The following MOV10L1 variants were observed in gnomAD, a reference collection of about 807,000 sequenced individuals.
MOV10L1 encodes the protein RNA helicase Mov10l1.
Under a neutral mutation model 143.8 loss-of-function variants are expected in MOV10L1, and 110 were observed. The ratio of observed to expected loss-of-function variants is 0.76; its 90% CI spans 0.66 to 0.90. The LOEUF (loss-of-function observed/expected upper bound fraction) is 0.90, where lower values mean the gene tolerates loss of function less well. Ranked by LOEUF, MOV10L1 falls within the 40% of genes least tolerant of loss-of-function variation. MOV10L1 has a pLI of 0.00. For missense variants in MOV10L1, 1,406 were observed against 1,526.8 expected (o/e 0.92, Z 1.32); for synonymous variants, 593 against 581.1 (o/e 1.02, Z -0.29).
intron 22 of MOV10L1, among the ~76,000 whole-genome samples, chr22:50,156,297 G>A (rs1002435107): frequency 4.0e-5 from 6 of 151,840 alleles, no homozygotes; most frequent in Non-Finnish European, 7.4e-5. Flanking sequence ...TGTATTTTTA[G>A]TAGAGACGGG....
At position 50,113,714 on chromosome 22, in the gene MOV10L1, T is replaced by C. The variant is rs2062085093; in HGVS notation, c.810T>C (p.Asp270=). 6.2e-7 allele frequency: 1 copy of C among 1,614,080 alleles called. No individual in the cohort carries two copies. The highest frequency in any genetic ancestry group is 8.5e-7 in the Non-Finnish European group (1 of 1,180,004). ...CGATTTTGCTGAAGAACAAAGGTGA[T>C]ATTGAAGTTACACAGGTGACGCATT... ...YGTILLKNKG[D]IEVTQVTHFG... The change falls in exon 6 of 27, where the codon GAT becomes GAC. Residue 270 remains aspartate (D), a synonymous_variant. Coordinates refer to ENST00000262794, the MANE Select transcript of MOV10L1 (RefSeq NM_018995.3).
At chr22:50,134,688 C>G (rs2058266089) in intron 15 of MOV10L1, 58 bp downstream of exon 15, 1 of 1,483,650 alleles carries the variant, frequency 6.7e-7, no homozygotes, top group South Asian at 1.1e-5. Context: ...ACGTGGCTGT[C>G]TTTACATAGG....
intron 10 of MOV10L1, among the ~76,000 whole-genome samples, chr22:50,124,052 C>A (rs2147213093): frequency 6.6e-6 from 1 of 152,208 alleles, no homozygotes; most frequent in Non-Finnish European, 1.5e-5. Flanking sequence ...AAAAGTCTGT[C>A]AATTTTGTTG....
At chr22:50,125,849 G>A (rs6010179) in intron 11 of MOV10L1, among the ~76,000 whole-genome samples, 81 of 151,928 alleles carry the variant, frequency 5.3e-4, no homozygotes, top group African/African-American at 1.8e-3. Context: ...GTGCAGTGGC[G>A]CAATCTCAGC....
intron 19 of MOV10L1, chr22:50,147,109 C>T (rs760921832): frequency 1.7e-5 from 27 of 1,578,256 alleles, no homozygotes; most frequent in African/African-American, 2.7e-5. Context: ...GGGGGCAGAG[C>T]GGGCACTGCA....
chr22:50,104,951 G>A (rs1336099980), intron 3 of MOV10L1, among the ~76,000 whole-genome samples: 2 of 150,624 alleles, frequency 1.3e-5, no homozygotes, highest in African/African-American at 4.9e-5. Context: ...GAATGCAGTG[G>A]CTCAGTCATA....
intron 10 of MOV10L1, among the ~76,000 whole-genome samples, chr22:50,123,682 A>G (rs192225077): frequency 2.7e-4 from 41 of 152,358 alleles, no homozygotes; most frequent in Non-Finnish European, 5.4e-4. Context: ...AATAAGTCAG[A>G]GAGTATTCCC....
chr22:50,149,503 G>T, intron 19 of MOV10L1, 112 bp from the exon 20 acceptor site: 1 of 1,031,170 alleles, frequency 9.7e-7, no homozygotes, highest in South Asian at 1.5e-5. Context: ...CACACCCCTG[G>T]GCAACCCTGC....
chr22:50,114,988 C>A, intron 7 of MOV10L1, 126 bp from the exon 8 acceptor site: 1 of 1,061,224 alleles, frequency 9.4e-7, no homozygotes, highest in Non-Finnish European at 1.3e-6. Flanking sequence ...TGAGGCTTTG[C>A]CCCGTGTTTT....
In MOV10L1 at chr22:50,108,862, TG is replaced by T; in HGVS notation, c.743+20del. On this transcript the variant is annotated intron_variant, in intron 5 of 26. Transcript: ENST00000262794. Reference sequence around the variant, plus strand: ...AAGAGGCGGTAAGAAAATGCTTTTCTGGCCAGGTGCGGTGGCTAACGCCTGT... The same window carrying T: ...AAGAGGCGGTAAGAAAATGCTTTTCTGCCAGGTGCGGTGGCTAACGCCTGT... The T allele has an allele frequency of 6.2e-7, 1 of 1,612,724 alleles. No homozygotes were observed.
At chr22:50,134,110 T>A (rs763893047) in intron 14 of MOV10L1, 45 bp downstream of exon 14, 1 of 1,474,766 alleles carries the variant, frequency 6.8e-7, no homozygotes, top group Admixed American at 2.2e-5. Flanking sequence ...CACAGAGTAT[T>A]TTTATAGGCT....
chr22:50,153,931 G>A (rs116442086), intron 22 of MOV10L1, among the ~76,000 whole-genome samples: 60 of 152,100 alleles, frequency 3.9e-4, no homozygotes, highest in African/African-American at 1.3e-3. Context: ...TCCATGCCAC[G>A]GGCCCCGGAG....
At chr22:50,117,404 G>GC (rs2062211441) in intron 9 of MOV10L1, 53 bp downstream of exon 9, 3 of 1,583,010 alleles carry the variant, frequency 1.9e-6, no homozygotes, top group Non-Finnish European at 2.6e-6. Context: ...TATCTGTGAA[G>GC]GAAAAGCGGA....
chr22:50,091,203 A>C (rs550580938), intron 1 of MOV10L1: 14 of 167,646 alleles, frequency 8.4e-5, no homozygotes, highest in Admixed American at 7.8e-4. Flanking sequence ...TCGGTAGAAC[A>C]CGCGCTCAGC....
intron 1 of MOV10L1, 128 bp from the exon 2 acceptor site, chr22:50,091,873 C>A (rs187715585): frequency 2.5e-6 from 2 of 808,054 alleles, no homozygotes; most frequent in African/African-American, 3.5e-5. Context: ...CAAGTCAGCC[C>A]GTTCGGAGTC....
chr22:50,119,687 C>G (rs1004710709), intron 9 of MOV10L1, among the ~76,000 whole-genome samples: 2 of 150,114 alleles, frequency 1.3e-5, no homozygotes, highest in African/African-American at 4.9e-5. Flanking sequence ...GCTGACATAA[C>G]CCTCAGCACA....
chr22:50,132,169 A>G lies in MOV10L1; in HGVS notation c.1911-1838A>G, dbSNP rs139793650. 3.3e-5 allele frequency among the ~76,000 whole-genome samples: 5 copies of G among 152,326 alleles called. No homozygotes were observed. In the East Asian group the frequency reaches 7.7e-4, roughly 23 times the overall value. ...AACATCACATTGGGGATGAAGTTTCACCATACGAAGCTGGGGGGAACACAA... is the reference window on the plus strand; with the variant it reads ...AACATCACATTGGGGATGAAGTTTCGCCATACGAAGCTGGGGGGAACACAA... On this transcript the variant is annotated intron_variant, in intron 13 of 26. Coordinates refer to ENST00000262794, the MANE Select transcript of MOV10L1 (RefSeq NM_018995.3).
At chr22:50,108,905 G>A in intron 5 of MOV10L1, 61 bp downstream of exon 5, 3 of 1,526,298 alleles carry the variant, frequency 2.0e-6, no homozygotes, top group Non-Finnish European at 2.7e-6. Flanking sequence ...AGCACTTTGG[G>A]AGGCTGAGGC....
chr22:50,155,377 C>G (rs1245186234), intron 22 of MOV10L1, among the ~76,000 whole-genome samples: 4 of 151,878 alleles, frequency 2.6e-5, no homozygotes, highest in Non-Finnish European at 5.9e-5. Context: ...TCTCGTGCCT[C>G]AGCCTCCCAA....
Sources: gnomAD v4.1 joint callset for allele counts (sites outside exome capture counted in the v4.1 genomes callset) on GRCh38, gnomAD v4.1.1 for gene constraint, MANE v1.5 for transcripts, NCBI Gene and HGNC (gene_info 2026-07-23, HGNC 2026-07-21) for gene names.